CFH: variants seen among roughly 807,000 people sequenced by gnomAD.
CFH encodes complement factor H, also known as H factor 1 (complement).
Under a neutral mutation model 147.3 loss-of-function variants are expected in CFH, and 53 were observed. The ratio of observed to expected loss-of-function variants is 0.36; its 90% CI spans 0.29 to 0.45. CFH has a LOEUF of 0.45. Among genes scored for constraint, CFH ranks in the 20% least tolerant of loss-of-function variants. The probability of loss-of-function intolerance (pLI) is 1.00; values close to 1 mark genes in which losing one functional copy is unlikely to be tolerated. For missense variants in CFH, 1,380 were observed against 1,498.0 expected, an observed-to-expected ratio of 0.92 and a Z score of 1.30; for synonymous variants, 536 against 489.4, an observed-to-expected ratio of 1.10 and a Z score of -1.26.
At chr1:196,670,153 T>C (rs1667229236) in intron 1 of CFH, among the ~76,000 whole-genome samples, 1 of 152,202 alleles carries the variant, frequency 6.6e-6, no homozygotes, top group African/African-American at 2.4e-5. Flanking sequence ...TGTATTCCCA[T>C]TGTATCTTGA....
intron 21 of CFH, 127 bp downstream of exon 21, chr1:196,746,126 T>G: frequency 6.5e-7 from 1 of 1,546,732 alleles, no homozygotes. Context: ...ACCAAATATT[T>G]CTGTCAGAAA....
intron 20 of CFH, 128 bp from the exon 21 acceptor site, chr1:196,745,689 C>A (rs959157864): frequency 7.9e-5 from 103 of 1,307,566 alleles, no homozygotes; most frequent in Middle Eastern, 7.5e-4. Flanking sequence ...TTCCAGGACT[C>A]ATTTCTTTCA....
At chr1:196,701,735 C>T (rs139826550) in intron 9 of CFH, among the ~76,000 whole-genome samples, 3 of 152,248 alleles carry the variant, frequency 2.0e-5, no homozygotes, top group Non-Finnish European at 4.4e-5. Context: ...ACCCTAGCAG[C>T]TTACTTAGCT....
At chr1:196,663,783 AAG>A (rs1397664094) in intron 1 of CFH, among the ~76,000 whole-genome samples, 6 of 152,152 alleles carry the variant, frequency 3.9e-5, no homozygotes, top group African/African-American at 1.4e-4. Context: ...TTCCTGTAAG[AAG>A]AGTGTGGTTT....
intron 11 of CFH, among the ~76,000 whole-genome samples, chr1:196,724,347 A>C (rs1318276350): frequency 1.3e-5 from 2 of 151,972 alleles, no homozygotes; most frequent in Admixed American, 1.3e-4. Context: ...CATGAAACCT[A>C]CCACTGCAGC....
chr1:196,679,944 GGTTCATTTTGAGTACACTTC>G (rs1667592879), intron 6 of CFH, 151 bp downstream of exon 6: 1 of 774,326 alleles, frequency 1.3e-6, no homozygotes, highest in South Asian at 1.8e-5. Context: ...CTGTGTTCAA[GGTTCATTTTGAGTACACTTC>G]GTACGATACA....
At chr1:196,706,270 C>A (rs1027067184) in intron 9 of CFH, among the ~76,000 whole-genome samples, 40 of 152,012 alleles carry the variant, frequency 2.6e-4, no homozygotes, top group African/African-American at 3.9e-4. Flanking sequence ...GGCTCTTAAC[C>A]TTTGATGATT....
intron 15 of CFH, among the ~76,000 whole-genome samples, chr1:196,730,922 T>C (rs945159163): frequency 2.6e-5 from 4 of 151,868 alleles, no homozygotes; most frequent in African/African-American, 9.7e-5. Flanking sequence ...TTTTTATTTT[T>C]ATAGGTTTTT....
chr1:196,704,772 G>A (rs1558169144), intron 9 of CFH, among the ~76,000 whole-genome samples: 2 of 152,188 alleles, frequency 1.3e-5, no homozygotes, highest in African/African-American at 4.8e-5. Context: ...TACCTGTCTT[G>A]CCAGGACAAA....
chr1:196,692,947 C>A (rs1272990154), intron 9 of CFH, among the ~76,000 whole-genome samples: 2 of 117,438 alleles, frequency 1.7e-5, no homozygotes, highest in African/African-American at 6.3e-5. Flanking sequence ...TCCTTTTGTC[C>A]CAAGTTTGTC....
intron 1 of CFH, among the ~76,000 whole-genome samples, chr1:196,672,247 C>G (rs1308402649): frequency 3.3e-5 from 5 of 152,120 alleles, no homozygotes; most frequent in Admixed American, 2.6e-4. Context: ...CCAGAGCTGA[C>G]AAACATAACC....
intron 17 of CFH, among the ~76,000 whole-genome samples, chr1:196,738,566 T>G (rs954248777): frequency 6.6e-6 from 1 of 152,184 alleles, no homozygotes; most frequent in Non-Finnish European, 1.5e-5. Context: ...AGGGCAGTCA[T>G]TAAACCTTAA....
At chr1:196,689,759 C>A (rs922631132) in intron 8 of CFH, 145 bp downstream of exon 8, 1 of 892,172 alleles carries the variant, frequency 1.1e-6, no homozygotes. Flanking sequence ...CAAAATAGAT[C>A]TTTTCTATTA....
intron 20 of CFH, among the ~76,000 whole-genome samples, chr1:196,744,794 A>G (rs992077851): frequency 1.3e-5 from 2 of 152,150 alleles, no homozygotes; most frequent in Non-Finnish European, 2.9e-5. Flanking sequence ...CTATTTTTTC[A>G]GGATCCTAAA....
At chr1:196,700,977 C>T (rs1351120982) in intron 9 of CFH, 2 of 465,090 alleles carry the variant, frequency 4.3e-6, no homozygotes, top group Non-Finnish European at 5.6e-6. Flanking sequence ...GTCTTGTGGC[C>T]TCTTTGAGGT....
intron 9 of CFH, among the ~76,000 whole-genome samples, chr1:196,707,890 T>C (rs1005745675): frequency 6.6e-6 from 1 of 152,206 alleles, no homozygotes; most frequent in Non-Finnish European, 1.5e-5. Context: ...TCCTGTCTAT[T>C]CCCTGCCTTA....
rs111924608 is a variant in CFH at position 196,741,927 on chromosome 1, G to A, written c.3009G>A (p.Glu1003=). The A allele has an allele frequency of 6.8e-6, 11 of 1,614,164 alleles. No homozygotes were observed. Among genetic ancestry groups the A allele is most frequent in the African/African-American group, 4.0e-5 (3 of 75,044 alleles). ...PSFENAIPMG[E]KKDVYKAGEQ... Reference sequence around the variant, plus strand: ...TTGAAAATGCCATACCCATGGGAGAGAAGAAGGATGTGTATAAGGCGGGTG... The same window carrying A: ...TTGAAAATGCCATACCCATGGGAGAAAAGAAGGATGTGTATAAGGCGGGTG... The change falls in exon 19 of 22, where the codon GAG becomes GAA. Residue 1003 remains glutamate (E), a synonymous_variant. Transcript: ENST00000367429.
intron 11 of CFH, among the ~76,000 whole-genome samples, chr1:196,719,182 C>T (rs891346776): frequency 1.3e-5 from 2 of 151,918 alleles, no homozygotes; most frequent in Non-Finnish European, 2.9e-5. Context: ...AGTGTCCATT[C>T]ACATTCTTCT....
At chr1:196,723,633 T>C (rs904141398) in intron 11 of CFH, among the ~76,000 whole-genome samples, 1 of 152,050 alleles carries the variant, frequency 6.6e-6, no homozygotes. Context: ...AGGAATGGAC[T>C]GATCTGTGAA....
Sources: gnomAD v4.1 joint callset for allele counts (sites outside exome capture counted in the v4.1 genomes callset) on GRCh38, gnomAD v4.1.1 for gene constraint, MANE v1.5 for transcripts, NCBI Gene and HGNC (gene_info 2026-07-23, HGNC 2026-07-21) for gene names.